Variants in SIPA1L1 observed in about 807,000 individuals in gnomAD.
SIPA1L1 encodes signal induced proliferation associated 1 like 1.
In SIPA1L1, 26 loss-of-function variants were observed where a neutral mutation model predicts 162.7. The ratio of observed to expected loss-of-function variants is 0.16; its 90% CI spans 0.12 to 0.22. The LOEUF (loss-of-function observed/expected upper bound fraction) is 0.22, where lower values mean the gene tolerates loss of function less well. Among genes scored for constraint, SIPA1L1 ranks in the 10% least tolerant of loss-of-function variants. The pLI is 1.00. For missense variants in SIPA1L1, 1,874 were observed against 2,241.0 expected, an observed-to-expected ratio of 0.84 and a Z score of 3.31; for synonymous variants, 829 against 837.4, an observed-to-expected ratio of 0.99 and a Z score of 0.17.
At chr14:71,732,203 A>C (rs1326773222) in intron 20 of SIPA1L1, among the ~76,000 whole-genome samples, 1 of 152,218 alleles carries the variant, frequency 6.6e-6, no homozygotes, top group African/African-American at 2.4e-5. Context: ...TTGAAAGGGA[A>C]AACAAAGCAT....
At chr14:71,330,156 C>T (rs537094094) in intron 2 of SIPA1L1, among the ~76,000 whole-genome samples, 2 of 152,270 alleles carry the variant, frequency 1.3e-5, no homozygotes, top group East Asian at 1.9e-4. Flanking sequence ...AAATGAAGCT[C>T]GCCTAGAAAA....
intron 2 of SIPA1L1, among the ~76,000 whole-genome samples, chr14:71,483,601 G>A (rs1326054903): frequency 6.6e-6 from 1 of 152,146 alleles, no homozygotes; most frequent in Non-Finnish European, 1.5e-5. Flanking sequence ...TGTTTCTGTA[G>A]CCTTATCCTT....
intron 2 of SIPA1L1, among the ~76,000 whole-genome samples, chr14:71,509,766 AAAAG>A (rs961111243): frequency 2.0e-5 from 3 of 152,056 alleles, no homozygotes; most frequent in Admixed American, 6.6e-5. Context: ...AAAGAAAGAA[AAAAG>A]AAAGAAAGCT....
chr14:71,514,422 T>C (rs2051493851), intron 3 of SIPA1L1, among the ~76,000 whole-genome samples: 3 of 152,182 alleles, frequency 2.0e-5, no homozygotes, highest in Admixed American at 2.0e-4. Flanking sequence ...CCATTTTGCC[T>C]CTTAATGCAC....
chr14:71,364,646 A>T (rs2038112545), intron 2 of SIPA1L1, among the ~76,000 whole-genome samples: 1 of 152,090 alleles, frequency 6.6e-6, no homozygotes, highest in Non-Finnish European at 1.5e-5. Context: ...TGGTTTTATT[A>T]TTAACATAAT....
At position 71,377,274 on chromosome 14, in the gene SIPA1L1, C is replaced by T. The variant is rs948774209; in HGVS notation, c.-465+56093C>T. On this transcript the variant is annotated intron_variant, in intron 2 of 23. Coordinates refer to ENST00000381232, the MANE Select transcript of SIPA1L1 (RefSeq NM_001386936.1). This position sits in a 1 kb window ranked among gnomAD's most constrained non-coding sequence, Gnocchi z 4.8. ...CCTCCCAGACGGGGCGGCGGCCGGA[C>T]GGGGGCGTTCTCCACTTCTCAGACA... Among the ~76,000 whole-genome samples, 7 of 150,826 alleles carry T rather than the reference C, an allele frequency of 4.6e-5. No individual in the cohort carries two copies. The highest frequency in any genetic ancestry group is 3.5e-3 in the Middle Eastern group (1 of 288).
chr14:71,481,858 A>C (rs958817121), intron 2 of SIPA1L1, among the ~76,000 whole-genome samples: 2 of 152,254 alleles, frequency 1.3e-5, no homozygotes, highest in African/African-American at 4.8e-5. Flanking sequence ...GTAATTAAGA[A>C]TAACTCACAT....
intron 14 of SIPA1L1, among the ~76,000 whole-genome samples, chr14:71,699,445 A>G (rs184837557): frequency 1.3e-5 from 2 of 152,330 alleles, no homozygotes; most frequent in African/African-American, 4.8e-5. Context: ...CCAAAGTAGA[A>G]AAAACACCTG....
chr14:71,409,149 T>C (rs1216854078), intron 2 of SIPA1L1, among the ~76,000 whole-genome samples: 1 of 152,226 alleles, frequency 6.6e-6, no homozygotes, highest in Non-Finnish European at 1.5e-5. Context: ...AATATATTCT[T>C]AGTTTTGCCC....
intron 2 of SIPA1L1, among the ~76,000 whole-genome samples, chr14:71,487,727 T>C (rs2048888413): frequency 6.6e-6 from 1 of 152,182 alleles, no homozygotes; most frequent in East Asian, 1.9e-4. Context: ...ACAGCAGTTT[T>C]TCACCATGCT....
At chr14:71,362,737 G>A (rs1262111309) in intron 2 of SIPA1L1, among the ~76,000 whole-genome samples, 1 of 151,956 alleles carries the variant, frequency 6.6e-6, no homozygotes, top group African/African-American at 2.4e-5. Flanking sequence ...ATATCCTGTA[G>A]TGTTGACTGT....
intron 2 of SIPA1L1, among the ~76,000 whole-genome samples, chr14:71,492,050 C>T (rs1023853332): frequency 8.5e-5 from 13 of 152,124 alleles, no homozygotes; most frequent in Admixed American, 2.6e-4. Context: ...CGAGGCACCA[C>T]GGTAGCTAGC....
At chr14:71,583,833 T>C (rs1414835748) in intron 4 of SIPA1L1, among the ~76,000 whole-genome samples, 1 of 152,132 alleles carries the variant, frequency 6.6e-6, no homozygotes, top group Non-Finnish European at 1.5e-5. Context: ...GGTAACAGCA[T>C]AGAGATGATA....
intron 8 of SIPA1L1, among the ~76,000 whole-genome samples, chr14:71,652,081 C>G (rs2042669109): frequency 6.6e-6 from 1 of 151,480 alleles, no homozygotes; most frequent in South Asian, 2.1e-4. Flanking sequence ...ATCCTTCTGT[C>G]CTTTTAAAAT....
intron 14 of SIPA1L1, among the ~76,000 whole-genome samples, chr14:71,699,485 G>A (rs1012005384): frequency 2.0e-5 from 3 of 152,340 alleles, no homozygotes; most frequent in Admixed American, 2.0e-4. Context: ...ATGAGAGGCA[G>A]TTAAGAAGCA....
chr14:71,661,536 C>T, intron 10 of SIPA1L1, 69 bp downstream of exon 10: 1 of 1,500,502 alleles, frequency 6.7e-7, no homozygotes. Flanking sequence ...CCCCATTCAG[C>T]TCTGCATTCT....
intron 2 of SIPA1L1, among the ~76,000 whole-genome samples, chr14:71,435,870 A>G (rs770041736): frequency 6.6e-6 from 1 of 152,130 alleles, no homozygotes. Context: ...TCACCATTCT[A>G]ACTGGTGTGA....
intron 8 of SIPA1L1, among the ~76,000 whole-genome samples, chr14:71,652,354 A>G (rs2042693955): frequency 6.6e-6 from 1 of 152,170 alleles, no homozygotes; most frequent in Non-Finnish European, 1.5e-5. Context: ...GCTGTGATGT[A>G]ATCTCACCAT....
intron 2 of SIPA1L1, among the ~76,000 whole-genome samples, chr14:71,498,328 T>G (rs2049948346): frequency 6.6e-6 from 1 of 152,244 alleles, no homozygotes; most frequent in Admixed American, 6.5e-5. Flanking sequence ...TTATGTCTCT[T>G]TCAGGCATTC....
Sources: gnomAD v4.1 joint callset for allele counts (sites outside exome capture counted in the v4.1 genomes callset) on GRCh38, gnomAD v4.1.1 for gene constraint, Gnocchi (gnomAD v3.1) non-coding constraint, MANE v1.5 for transcripts, NCBI Gene and HGNC (gene_info 2026-07-23, HGNC 2026-07-21) for gene names.